The following LRRC4C variants were observed in gnomAD, a reference collection of about 807,000 sequenced individuals.
LRRC4C encodes the protein leucine-rich repeat-containing protein 4C.
LRRC4C carries 5 observed loss-of-function variants against 33.6 expected under a neutral mutation model. The ratio of observed to expected loss-of-function variants is 0.15; its 90% CI spans 0.08 to 0.31. LRRC4C has a LOEUF of 0.31. LRRC4C is among the 10% of genes least tolerant of loss of function. LRRC4C has a pLI of 1.00. For synonymous variants in LRRC4C, 329 were observed against 302.0 expected (o/e 1.09, Z -0.93); for missense variants, 560 against 796.7 (o/e 0.70, Z 3.58).
chr11:41,429,970 C>T (rs1955180062), intron 1 of LRRC4C, among the ~76,000 whole-genome samples: 1 of 152,092 alleles, frequency 6.6e-6, no homozygotes, highest in Non-Finnish European at 1.5e-5. Flanking sequence ...GAGGATCAAT[C>T]ATGCCAGTTA....
intron 3 of LRRC4C, among the ~76,000 whole-genome samples, chr11:40,606,390 G>T (rs982322708): frequency 1.3e-5 from 2 of 152,138 alleles, no homozygotes; most frequent in Non-Finnish European, 2.9e-5. Flanking sequence ...AAGTTGAGAA[G>T]CCCTGAGAAT....
chr11:41,253,443 T>C (rs964147350), intron 1 of LRRC4C, among the ~76,000 whole-genome samples: 2 of 152,134 alleles, frequency 1.3e-5, no homozygotes, highest in African/African-American at 4.8e-5. Context: ...TTTACTCATA[T>C]CATGAGTCTG....
intron 2 of LRRC4C, among the ~76,000 whole-genome samples, chr11:40,686,656 G>C (rs1263086340): frequency 6.6e-6 from 1 of 152,036 alleles, no homozygotes; most frequent in Non-Finnish European, 1.5e-5. Flanking sequence ...CCATTAAGAG[G>C]AAAATGAAAC....
intron 3 of LRRC4C, among the ~76,000 whole-genome samples, chr11:40,594,627 TAGAGG>T (rs1959187762): frequency 1.3e-5 from 2 of 152,152 alleles, no homozygotes; most frequent in South Asian, 2.1e-4. Flanking sequence ...TTTAAAAAAA[TAGAGG>T]TTAAGCAGTT....
chr11:40,948,338 CTTTG>C (rs1289059912), intron 1 of LRRC4C, among the ~76,000 whole-genome samples: 1 of 151,942 alleles, frequency 6.6e-6, no homozygotes, highest in Non-Finnish European at 1.5e-5. Flanking sequence ...GGAAAATTTT[CTTTG>C]TTTTTCTTTA....
chr11:41,039,636 CAA>C (rs1857305561), intron 1 of LRRC4C, among the ~76,000 whole-genome samples: 1 of 152,092 alleles, frequency 6.6e-6, no homozygotes, highest in East Asian at 1.9e-4. Context: ...TGCATTTAAA[CAA>C]ACAATATTTT....
rs140695597 is a variant in LRRC4C, at chr11:40,769,383, T to C, written c.-406-121105A>G. ...CATTCATGGTTTGGAAGAATAAATATTGTTAAAATGTGCATGGTACCCAAA... is the reference window on the plus strand; with the variant it reads ...CATTCATGGTTTGGAAGAATAAATACTGTTAAAATGTGCATGGTACCCAAA... On this transcript the variant is annotated intron_variant, in intron 2 of 6. Transcript: ENST00000528697. 1.9e-3 allele frequency among the ~76,000 whole-genome samples: 287 copies of C among 152,194 alleles called. 2 individuals are homozygous for C. The highest frequency in any genetic ancestry group is 6.5e-3 in the African/African-American group (272 of 41,528).
intron 4 of LRRC4C, among the ~76,000 whole-genome samples, chr11:40,243,216 G>A (rs551479421): frequency 3.3e-5 from 5 of 152,228 alleles, no homozygotes; most frequent in Middle Eastern, 3.4e-3. Flanking sequence ...GTTTAAAAAG[G>A]TAAATTTCTA....
At position 41,388,328 on chromosome 11, in the gene LRRC4C, T is replaced by C. The variant is rs1213434391; in HGVS notation, c.-496+71103A>G. Among the ~76,000 whole-genome samples the C allele has an allele frequency of 4.0e-5, 6 of 151,778 alleles. 1 individual carries two copies. The highest frequency in any genetic ancestry group is 1.2e-4 in the African/African-American group (5 of 41,396). ...GTTTTTGAAGTACTAGCCTTACACA[T>C]AGGGCAATATATCCACTAGAGCTGT... is the stretch of plus-strand genomic sequence containing the variant. On this transcript the variant is annotated intron_variant, in intron 1 of 6. Coordinates refer to ENST00000528697, the MANE Select transcript of LRRC4C (RefSeq NM_001258419.2).
chr11:41,180,325 G>A (rs1207772128), intron 1 of LRRC4C, among the ~76,000 whole-genome samples: 1 of 152,172 alleles, frequency 6.6e-6, no homozygotes, highest in African/African-American at 2.4e-5. Flanking sequence ...TTTGCATCCA[G>A]TGAGGTATTT....
intron 1 of LRRC4C, among the ~76,000 whole-genome samples, chr11:41,364,732 T>C (rs1221270090): frequency 2.0e-5 from 3 of 152,248 alleles, no homozygotes; most frequent in African/African-American, 7.2e-5. Context: ...TAAATTCTGA[T>C]TTTAAGAAAT....
intron 1 of LRRC4C, among the ~76,000 whole-genome samples, chr11:41,118,270 C>T (rs926781664): frequency 2.0e-5 from 3 of 152,154 alleles, no homozygotes; most frequent in Admixed American, 2.0e-4. Flanking sequence ...TGGAGCTTGG[C>T]TTCCCTCTTA....
chr11:40,489,428 CA>C lies in LRRC4C; in HGVS notation c.-270+158713del, dbSNP rs575437606. ...CTTTCCTCACCTACACGCATACTCA[CA>C]ACTCTCTGGGTCAGGCAGGCCTATT... On this transcript the variant is annotated intron_variant, in intron 3 of 6. Coordinates refer to ENST00000528697, the MANE Select transcript of LRRC4C (RefSeq NM_001258419.2). 1.1e-3 allele frequency among the ~76,000 whole-genome samples: 173 copies of C among 152,212 alleles called. 1 individual carries two copies. The highest frequency in any genetic ancestry group is 3.4e-3 in the Middle Eastern group (1 of 292).
At chr11:40,783,961 T>C (rs1950313622) in intron 2 of LRRC4C, among the ~76,000 whole-genome samples, 1 of 152,140 alleles carries the variant, frequency 6.6e-6, no homozygotes, top group African/African-American at 2.4e-5. Context: ...CAACATTCAT[T>C]GGACAAATAC....
chr11:40,278,602 C>T (rs1264924136), intron 4 of LRRC4C, among the ~76,000 whole-genome samples: 4 of 152,188 alleles, frequency 2.6e-5, no homozygotes, highest in African/African-American at 9.7e-5. Context: ...AGTTGTTCCA[C>T]TGAAAAATTG....
intron 2 of LRRC4C, among the ~76,000 whole-genome samples, chr11:40,737,169 C>A (rs1947913988): frequency 6.6e-6 from 1 of 152,082 alleles, no homozygotes; most frequent in South Asian, 2.1e-4. Flanking sequence ...AAATTCAGCA[C>A]CACTTTATGC....
At chr11:41,117,055 A>T (rs1478480645) in intron 1 of LRRC4C, among the ~76,000 whole-genome samples, 1 of 152,134 alleles carries the variant, frequency 6.6e-6, no homozygotes, top group South Asian at 2.1e-4. Flanking sequence ...TACTAGGAAC[A>T]CTGGAACACT....
intron 3 of LRRC4C, among the ~76,000 whole-genome samples, chr11:40,342,247 G>C (rs577853459): frequency 6.6e-6 from 1 of 152,242 alleles, no homozygotes; most frequent in South Asian, 2.1e-4. Flanking sequence ...GAGGTGGGTG[G>C]ATCATGAGGT....
chr11:40,699,722 C>T (rs13343178), intron 2 of LRRC4C, among the ~76,000 whole-genome samples: 281 of 152,288 alleles, frequency 1.8e-3, no homozygotes, highest in Middle Eastern at 0.01. Flanking sequence ...TTTACATACA[C>T]GTTTCCCTAA....
Sources: allele counts gnomAD v4.1 joint callset (sites outside exome capture counted in the v4.1 genomes callset), GRCh38; gene constraint gnomAD v4.1.1; transcripts MANE v1.5; gene names NCBI Gene and HGNC (gene_info 2026-07-23, HGNC 2026-07-21).